ERN1: variants seen among roughly 807,000 people sequenced by gnomAD.
ERN1 encodes serine/threonine-protein kinase/endoribonuclease IRE1.
Under a neutral mutation model 113.1 loss-of-function variants are expected in ERN1, and 39 were observed. The ratio of observed to expected loss-of-function variants is 0.34; its 90% CI spans 0.27 to 0.45. The LOEUF (loss-of-function observed/expected upper bound fraction) is 0.45. Ranked by LOEUF, ERN1 falls within the 20% of genes least tolerant of loss-of-function variation. The probability of loss-of-function intolerance (pLI) is 1.00; values close to 1 mark genes in which losing one functional copy is unlikely to be tolerated. For missense variants in ERN1, 976 were observed against 1,274.8 expected (o/e 0.77, Z 3.57); for synonymous variants, 507 against 515.9 (o/e 0.98, Z 0.23).
chr17:64,124,282 T>G (rs1329680883), intron 1 of ERN1, among the ~76,000 whole-genome samples: 4 of 152,174 alleles, frequency 2.6e-5, no homozygotes, highest in Non-Finnish European at 5.9e-5. Context: ...AAAATAAATG[T>G]CCACGCAAAA....
chr17:64,101,577 G>A (rs1914386364), intron 1 of ERN1, among the ~76,000 whole-genome samples: 1 of 152,252 alleles, frequency 6.6e-6, no homozygotes, highest in Non-Finnish European at 1.5e-5. Flanking sequence ...CTAGCAGGTA[G>A]GAGAGAAGCT....
rs1221979233 is a variant in ERN1 at position 64,066,741 on chromosome 17, C to A, written c.772G>T (p.Gly258Trp). Residue 258 changes from glycine (G) to tryptophan (W), a missense_variant, in exon 8 of 22, where the codon GGG becomes TGG. Physicochemically the swap from Gly to Trp is radical, Grantham distance 184. Transcript: ENST00000433197. The stretch of plus-strand genomic sequence containing the variant: ...CACTTTGTGATGCGCCCCACCTCCC[C>A]AGACATGAAGGTCAGATAGCGCAGG... Reference protein sequence around the residue: ...ETLRYLTFMSGEVGRITKWKY... With the variant: ...ETLRYLTFMSWEVGRITKWKY... The A allele has an allele frequency of 6.2e-7, 1 of 1,613,926 alleles. No individual in the cohort carries two copies.
rs751355310 is a variant in ERN1 at position 64,068,287 on chromosome 17, G to A, written c.483C>T (p.Tyr161=). 9.9e-6 allele frequency: 16 copies of A among 1,610,006 alleles called. No individual in the cohort carries two copies. The Admixed American group carries it at 2.2e-4, about 22-fold the overall frequency. The stretch of plus-strand genomic sequence containing the variant: ...TTTTGGTGTCGTACATGGTGATGGT[G>A]TATTCTAAAGAACACAGACCAGCCA... ...TSLLYLGRTE[Y]TITMYDTKTR... Residue 161 remains tyrosine (Y), a synonymous_variant, in exon 7 of 22, where the codon TAC becomes TAT. Transcript: ENST00000433197.
At chr17:64,056,395 G>A (rs368336747) in intron 12 of ERN1, among the ~76,000 whole-genome samples, 1,992 of 152,308 alleles carry the variant, frequency 0.013, 22 homozygotes, top group Non-Finnish European at 0.02. Context: ...CTAGAGGCTA[G>A]CGCACAGACA....
At position 64,066,659 on chromosome 17, in the gene ERN1, C is replaced by T; in HGVS notation, c.842+12G>A. 6.2e-7 allele frequency: 1 copy of T among 1,612,524 alleles called. No homozygotes were observed. The highest frequency in any genetic ancestry group is 1.1e-5 in the South Asian group (1 of 91,072). ...CACGGCCGCCCTCTCCTTCCCCGAG[C>T]TCCCAACTCACGTCAGCTTGCTCTT... On this transcript the variant is annotated intron_variant, in intron 8 of 21. Transcript: ENST00000433197.
chr17:64,093,478 T>C (rs1445661576), intron 2 of ERN1, among the ~76,000 whole-genome samples: 2 of 152,154 alleles, frequency 1.3e-5, no homozygotes, highest in Admixed American at 1.3e-4. Flanking sequence ...CAAAATACCA[T>C]AGACTAGAGG....
chr17:64,086,617 CT>C (rs773312701), intron 2 of ERN1, among the ~76,000 whole-genome samples: 3 of 54,498 alleles, frequency 5.5e-5, no homozygotes, highest in Non-Finnish European at 1.4e-4. Context: ...ATTTTCATTT[CT>C]TTTTTTTTCT....
At chr17:64,070,919 A>G (rs538574644) in intron 6 of ERN1, among the ~76,000 whole-genome samples, 3 of 152,302 alleles carry the variant, frequency 2.0e-5, no homozygotes, top group Non-Finnish European at 2.9e-5. Context: ...TCAAACATTG[A>G]GCCCCTGCTA....
At chr17:64,102,167 T>C (rs956370957) in intron 1 of ERN1, among the ~76,000 whole-genome samples, 2 of 152,092 alleles carry the variant, frequency 1.3e-5, no homozygotes, top group African/African-American at 4.8e-5. Flanking sequence ...ACACCTGCAA[T>C]CCCAGCTACT....
intron 17 of ERN1, among the ~76,000 whole-genome samples, chr17:64,051,392 C>T (rs980993001): frequency 1.3e-5 from 2 of 152,180 alleles, no homozygotes; most frequent in African/African-American, 4.8e-5. Flanking sequence ...GTAGAGAGAT[C>T]AGCTGTAGCA....
intron 18 of ERN1, among the ~76,000 whole-genome samples, chr17:64,048,821 G>A (rs1019657322): frequency 1.3e-5 from 2 of 152,082 alleles, no homozygotes; most frequent in Non-Finnish European, 2.9e-5. Context: ...CACACAAGTA[G>A]TTGGTGACCT....
At chr17:64,124,408 T>A (rs1306219631) in intron 1 of ERN1, among the ~76,000 whole-genome samples, 1 of 152,194 alleles carries the variant, frequency 6.6e-6, no homozygotes. Flanking sequence ...CCAAATCTCA[T>A]CTTGTAGCTC....
chr17:64,047,788 C>T, intron 19 of ERN1, 70 bp downstream of exon 19: 2 of 1,406,636 alleles, frequency 1.4e-6, no homozygotes, highest in East Asian at 2.3e-5. Context: ...ATTCTTTGTC[C>T]TTTTCTGTAT....
In ERN1 at chr17:64,051,012, C is replaced by T. The variant is rs1385862971; in HGVS notation, c.2253+1768G>A. ...TGCTCAAGTGTGAGTGCGCTCCCAGCAAATGGATGCAGAAGCCAGCTTGAA... is the reference window on the plus strand; with the variant it reads ...TGCTCAAGTGTGAGTGCGCTCCCAGTAAATGGATGCAGAAGCCAGCTTGAA... On this transcript the variant is annotated intron_variant, in intron 17 of 21. Coordinates refer to ENST00000433197, the MANE Select transcript of ERN1 (RefSeq NM_001433.5). 2.0e-5 allele frequency among the ~76,000 whole-genome samples: 3 copies of T among 151,974 alleles called. No individual in the cohort carries two copies. The East Asian group carries it at 5.8e-4, about 29-fold the overall frequency.
chr17:64,055,295 A>G (rs1054788439), intron 13 of ERN1, among the ~76,000 whole-genome samples: 3 of 152,198 alleles, frequency 2.0e-5, no homozygotes, highest in African/African-American at 7.2e-5. Context: ...TTCCCTCAGA[A>G]TTGGGGCTCT....
chr17:64,044,143 C>T lies in ERN1; in HGVS notation c.2779G>A (p.Asp927Asn), dbSNP rs544395392. Residue 927 changes from aspartate (D) to asparagine (N), a missense_variant, in exon 22 of 22, where the codon GAC becomes AAC. Physicochemically the swap from Asp to Asn is conservative, Grantham distance 23 (BLOSUM62 1). Transcript: ENST00000433197. This position sits in a 1 kb window ranked among gnomAD's most constrained non-coding sequence, Gnocchi z 4.1. Reference sequence around the variant, plus strand: ...GATGTGAAGTAGCACACGAAGTCGTCGGGGAGGGACCCCAGCGTCTCCCGC... The same window carrying T: ...GATGTGAAGTAGCACACGAAGTCGTTGGGGAGGGACCCCAGCGTCTCCCGC... ...EVRETLGSLP[D>N]DFVCYFTSRF... 26 of 1,603,314 alleles carry T rather than the reference C, an allele frequency of 1.6e-5. 1 individual carries two copies. The South Asian group carries it at 2.0e-4, about 12-fold the overall frequency.
At chr17:64,074,891 C>A (rs879424180) in intron 5 of ERN1, among the ~76,000 whole-genome samples, 1 of 152,232 alleles carries the variant, frequency 6.6e-6, no homozygotes, top group African/African-American at 2.4e-5. Flanking sequence ...CATCCATTTG[C>A]CACTGGGTAT....
intron 1 of ERN1, among the ~76,000 whole-genome samples, chr17:64,116,870 C>T (rs868056915): frequency 2.0e-5 from 3 of 149,416 alleles, no homozygotes; most frequent in East Asian, 2.0e-4. Flanking sequence ...TTTGGGAGGC[C>T]GAGGTGGGCG....
At chr17:64,092,277 C>A (rs1420413641) in intron 2 of ERN1, among the ~76,000 whole-genome samples, 2 of 152,066 alleles carry the variant, frequency 1.3e-5, no homozygotes, top group Non-Finnish European at 1.5e-5. Flanking sequence ...CAGCATCATT[C>A]TATTTTCTCT....
Sources: gnomAD v4.1 joint callset for allele counts (sites outside exome capture counted in the v4.1 genomes callset) on GRCh38, gnomAD v4.1.1 for gene constraint, Gnocchi (gnomAD v3.1) non-coding constraint, MANE v1.5 for transcripts, NCBI Gene and HGNC (gene_info 2026-07-23, HGNC 2026-07-21) for gene names.